SIPA1L3: variants seen among roughly 807,000 people sequenced by gnomAD.
SIPA1L3 encodes the protein signal induced proliferation associated 1 like 3.
SIPA1L3 carries 59 observed loss-of-function variants against 150.1 expected under a neutral mutation model. The ratio of observed to expected loss-of-function variants is 0.39; its 90% confidence interval spans 0.32 to 0.49. The LOEUF is 0.49. SIPA1L3 is among the 20% of genes least tolerant of loss of function. The pLI is 0.86. For missense variants in SIPA1L3, 2,211 were observed against 2,489.5 expected (o/e 0.89, Z 2.38); for synonymous variants, 1,070 against 1,077.6 (o/e 0.99, Z 0.14).
At chr19:38,136,378 C>T (rs1356944539) in intron 10 of SIPA1L3, among the ~76,000 whole-genome samples, 2 of 151,570 alleles carry the variant, frequency 1.3e-5, no homozygotes, top group African/African-American at 2.4e-5. Flanking sequence ...CCGAGGGAGG[C>T]GGATCACCTG....
intron 9 of SIPA1L3, among the ~76,000 whole-genome samples, chr19:38,125,236 A>C (rs927595577): frequency 2.0e-5 from 3 of 152,072 alleles, no homozygotes; most frequent in Non-Finnish European, 4.4e-5. Context: ...GGGTTTCGCC[A>C]TGTTGGCCAG....
chr19:38,003,058 A>C lies in SIPA1L3; in HGVS notation c.-378-26031A>C, dbSNP rs1222878052. Among the ~76,000 whole-genome samples the C allele has an allele frequency of 2.0e-5, 3 of 152,298 alleles. No homozygotes were observed. In the East Asian group the frequency reaches 5.8e-4, roughly 29 times the overall value. ...CTACTCGGGAAGCTGAGGCATGAGA[A>C]TGGCTTGAACCCAGGAGGTGGAGGT... is the stretch of plus-strand genomic sequence containing the variant. On this transcript the variant is annotated intron_variant, in intron 1 of 21. Coordinates refer to ENST00000222345, the MANE Select transcript of SIPA1L3 (RefSeq NM_015073.3).
intron 12 of SIPA1L3, among the ~76,000 whole-genome samples, chr19:38,151,526 G>A (rs570365381): frequency 2.0e-5 from 3 of 152,080 alleles, no homozygotes; most frequent in Non-Finnish European, 2.9e-5. Context: ...ACCTCCCTTC[G>A]TGTCTCATCA....
At chr19:38,018,352 C>T (rs1968288829) in intron 1 of SIPA1L3, among the ~76,000 whole-genome samples, 1 of 151,700 alleles carries the variant, frequency 6.6e-6, no homozygotes, top group African/African-American at 2.4e-5. Flanking sequence ...TTAGTAGAGA[C>T]GGGGTTTCAC....
intron 18 of SIPA1L3, among the ~76,000 whole-genome samples, chr19:38,196,615 A>AGAGCGTGGAGGTCAAGGGAG (rs1972953520): frequency 2.2e-5 from 3 of 134,640 alleles, no homozygotes; most frequent in Admixed American, 2.2e-4. Context: ...GGTCAAGGGC[A>AGAGCGTGGAGGTCAAGGGAG]GAGCATGGAG....
At chr19:37,928,386 C>T (rs1005959232) in intron 1 of SIPA1L3, among the ~76,000 whole-genome samples, 2 of 152,094 alleles carry the variant, frequency 1.3e-5, no homozygotes. Context: ...GCCTGGGCAA[C>T]ATGGTAAAAC....
intron 13 of SIPA1L3, among the ~76,000 whole-genome samples, chr19:38,157,566 A>C (rs1971977766): frequency 6.6e-6 from 1 of 152,084 alleles, no homozygotes; most frequent in African/African-American, 2.4e-5. Flanking sequence ...GGTTGCCTCC[A>C]TGGTCACCGG....
chr19:38,174,934 G>A (rs1330620402), intron 15 of SIPA1L3, among the ~76,000 whole-genome samples: 1 of 152,102 alleles, frequency 6.6e-6, no homozygotes, highest in Non-Finnish European at 1.5e-5. Context: ...CTGGGCTCAA[G>A]TGTATCAGCT....
chr19:38,150,188 T>C (rs576427021), intron 12 of SIPA1L3, among the ~76,000 whole-genome samples: 2 of 152,302 alleles, frequency 1.3e-5, no homozygotes, highest in African/African-American at 4.8e-5. Context: ...GTTTGGGCCC[T>C]GTTTTCCTTT....
At chr19:38,002,864 G>C (rs1302545835) in intron 1 of SIPA1L3, among the ~76,000 whole-genome samples, 1 of 151,694 alleles carries the variant, frequency 6.6e-6, no homozygotes, top group Non-Finnish European at 1.5e-5. Flanking sequence ...TGGTGTGCTG[G>C]CAGGGCACAG....
intron 13 of SIPA1L3, among the ~76,000 whole-genome samples, chr19:38,160,106 G>T (rs1190800830): frequency 6.6e-6 from 1 of 152,044 alleles, no homozygotes; most frequent in East Asian, 1.9e-4. Context: ...CCACCTCCCA[G>T]GTTCAAGCAA....
chr19:38,164,766 C>G lies in SIPA1L3; in HGVS notation c.4068C>G (p.His1356Gln). Residue 1356 changes from histidine (H) to glutamine (Q), a missense_variant, in exon 15 of 22, where the codon CAC becomes CAG. Coordinates refer to ENST00000222345, the MANE Select transcript of SIPA1L3 (RefSeq NM_015073.3). This position sits in a 1 kb window ranked among gnomAD's most constrained non-coding sequence, Gnocchi z 4.1. ...GCGAGGCCGCTGGGAGGTCCCACCA[C>G]GCAGACAGGCGGCGGGAGGTCTCCC... ...GGREAAGRSH[H>Q]ADRRREVSPA... 1 of 1,612,828 alleles carries G rather than the reference C, an allele frequency of 6.2e-7. No homozygotes were observed. Among genetic ancestry groups the G allele is most frequent in the South Asian group, 1.1e-5 (1 of 91,002 alleles).
Position 38,071,247 on chromosome 19 carries a change from ATCTATCTATCT to A in SIPA1L3, c.-310-10008_-310-9998del, listed in dbSNP as rs1969714568. Among the ~76,000 whole-genome samples the A allele has an allele frequency of 2.0e-5, 3 of 150,592 alleles. No individual in the cohort carries two copies. In the South Asian group the frequency reaches 6.3e-4, roughly 32 times the overall value. ...TATCTATCTATCTATCTATCTATCT[ATCTATCTATCT>A]ATCTATCTGCCTGCCTACCCTACCT... On this transcript the variant is annotated intron_variant, in intron 2 of 21. Coordinates refer to ENST00000222345, the MANE Select transcript of SIPA1L3 (RefSeq NM_015073.3).
At position 38,047,983 on chromosome 19, in the gene SIPA1L3, T is replaced by C. The variant is rs1969099069; in HGVS notation, c.-311+18827T>C. 6.6e-6 allele frequency among the ~76,000 whole-genome samples: 1 copy of C among 152,152 alleles called. No individual in the cohort carries two copies. Among genetic ancestry groups the C allele is most frequent in the African/African-American group, 2.4e-5 (1 of 41,446 alleles). On this transcript the variant is annotated intron_variant, in intron 2 of 21. Coordinates refer to ENST00000222345, the MANE Select transcript of SIPA1L3 (RefSeq NM_015073.3). The surrounding 1 kb of genome is among the most constrained non-coding windows in gnomAD (Gnocchi z 4.7). ...GGATGTGAGGGAAACAGTGACCCAC[T>C]GCAGAGGGTTTCCTGAGCTCTCGTG...
chr19:38,180,778 C>G (rs909522055), intron 15 of SIPA1L3, among the ~76,000 whole-genome samples: 1 of 149,602 alleles, frequency 6.7e-6, no homozygotes, highest in Non-Finnish European at 1.5e-5. Flanking sequence ...CTTCTGAGCT[C>G]AGGTTATCTG....
chr19:37,972,212 G>A (rs1273324827), intron 1 of SIPA1L3, among the ~76,000 whole-genome samples: 1 of 128,880 alleles, frequency 7.8e-6, no homozygotes, highest in East Asian at 2.1e-4. Context: ...TGTGTCATGG[G>A]CCCTTTGACA....
intron 15 of SIPA1L3, among the ~76,000 whole-genome samples, chr19:38,178,895 TCTC>T (rs1186593187): frequency 1.3e-5 from 2 of 152,192 alleles, no homozygotes; most frequent in Non-Finnish European, 2.9e-5. Flanking sequence ...TCCCTGGACA[TCTC>T]CTCACCAATG....
chr19:38,178,632 T>C (rs1972496291), intron 15 of SIPA1L3, among the ~76,000 whole-genome samples: 1 of 151,968 alleles, frequency 6.6e-6, no homozygotes, highest in Non-Finnish European at 1.5e-5. Flanking sequence ...CCCACCACCA[T>C]GCCCAGCTAA....
intron 1 of SIPA1L3, among the ~76,000 whole-genome samples, chr19:37,921,695 G>T (rs2046458954): frequency 6.6e-6 from 1 of 151,794 alleles, no homozygotes; most frequent in Non-Finnish European, 1.5e-5. Context: ...CGAACTCCTG[G>T]GCTCAAGTGA....
Sources: allele counts gnomAD v4.1 joint callset (sites outside exome capture counted in the v4.1 genomes callset), GRCh38; gene constraint gnomAD v4.1.1; non-coding constraint Gnocchi (gnomAD v3.1); transcripts MANE v1.5; gene names NCBI Gene and HGNC (gene_info 2026-07-23, HGNC 2026-07-21).